BNIP3: variants seen among roughly 807,000 people sequenced by gnomAD.
The protein encoded by BNIP3 is BCL2/adenovirus E1B 19 kDa protein-interacting protein 3.
In BNIP3, 16 loss-of-function variants were observed where a neutral mutation model predicts 23.9. The observed-to-expected ratio is 0.67, with a 90% CI of 0.45 to 1.01. The LOEUF (loss-of-function observed/expected upper bound fraction) is 1.01, where lower values mean the gene tolerates loss of function less well. Ranked by LOEUF, BNIP3 falls within the 50% of genes least tolerant of loss-of-function variation. The pLI, the probability that BNIP3 is intolerant of heterozygous loss-of-function variation, is 0.00. For synonymous variants in BNIP3, 81 were observed against 89.3 expected (o/e 0.91, Z 0.53); for missense variants, 198 against 248.7 (o/e 0.80, Z 1.37).
rs1352733328 is a variant in BNIP3 at position 131,973,829 on chromosome 10, G to A, written c.161C>T (p.Ser54Phe). The A allele has an allele frequency of 1.2e-6, 2 of 1,612,538 alleles. No homozygotes were observed. Among genetic ancestry groups the A allele is most frequent in the Admixed American group, 3.3e-5 (2 of 60,026 alleles). ...EKILLDAQHE[S>F]GRSSSKSSHC... ...AGAGCTCTTGGAGCTACTCCGTCCA[G>A]ACTCATGCTGTGCGTCCAGCAGTAT... The change falls in exon 2 of 6, where the codon TCT (serine) becomes TTT (phenylalanine). Residue 54 changes from serine to phenylalanine, a missense_variant. Coordinates refer to ENST00000368636, the MANE Select transcript of BNIP3 (RefSeq NM_004052.4).
chr10:131,968,919 T>A (rs2036995594), intron 5 of BNIP3: 1 of 191,012 alleles, frequency 5.2e-6, no homozygotes, highest in Admixed American at 5.5e-5. Flanking sequence ...ACCACCAGCC[T>A]CACCAAAGCC....
rs1442165727 is a variant in BNIP3, at chr10:131,968,517, T to C, written c.*7A>G. 5 of 1,588,802 alleles carry C rather than the reference T, an allele frequency of 3.1e-6. No individual in the cohort carries two copies. The highest frequency in any genetic ancestry group is 4.3e-6 in the Non-Finnish European group (5 of 1,157,546). On this transcript the variant is annotated 3_prime_UTR_variant, in exon 6 of 6. Coordinates refer to ENST00000368636, the MANE Select transcript of BNIP3 (RefSeq NM_004052.4). The stretch of plus-strand genomic sequence containing the variant: ...ACTAACGAACCAAGTCAGACTCCAG[T>C]TCTTCATCAAAAGGTGCTGGTGGAG...
At chr10:131,977,544 G>A (rs2037089047) in intron 1 of BNIP3, among the ~76,000 whole-genome samples, 1 of 152,190 alleles carries the variant, frequency 6.6e-6, no homozygotes, top group South Asian at 2.1e-4. Flanking sequence ...CCAACATCTG[G>A]TGTCGGCTGA....
chr10:131,977,794 A>C (rs1239637558), intron 1 of BNIP3, among the ~76,000 whole-genome samples: 1 of 152,080 alleles, frequency 6.6e-6, no homozygotes, highest in South Asian at 2.1e-4. Flanking sequence ...AGGAAAAAAA[A>C]CTCACTCCAG....
At chr10:131,974,204 T>C (rs1392930105) in intron 1 of BNIP3, among the ~76,000 whole-genome samples, 1 of 152,224 alleles carries the variant, frequency 6.6e-6, no homozygotes, top group Non-Finnish European at 1.5e-5. Flanking sequence ...AGTCCCTTTA[T>C]ACCAAGCCAA....
At chr10:131,981,644 G>T in intron 1 of BNIP3, 117 bp downstream of exon 1, 2 of 1,239,030 alleles carry the variant, frequency 1.6e-6, no homozygotes, top group South Asian at 2.0e-5. Flanking sequence ...GCGCAGCCTC[G>T]CCCGGCCCGC....
chr10:131,974,516 T>A (rs536473478), intron 1 of BNIP3, among the ~76,000 whole-genome samples: 11 of 152,228 alleles, frequency 7.2e-5, no homozygotes, highest in Non-Finnish European at 1.0e-4. Context: ...ACCTCCGGAA[T>A]AACTGGAACT....
rs969776570 is a variant in BNIP3, at chr10:131,981,918, C to A, written c.-112G>T. The A allele has an allele frequency of 1.6e-6, 2 of 1,232,678 alleles. No individual in the cohort carries two copies. Among genetic ancestry groups the A allele is most frequent in the African/African-American group, 3.2e-5 (2 of 62,986 alleles). The allele number at this position is 1,232,678 out of a possible 1,614,324, so 76.4% of individuals were successfully genotyped here. A position where few individuals can be genotyped will look rare whatever the true frequency, so the allele number is the denominator to read the frequency against. ...GAGCGCCGCGGCCCAGCTGCGCTCC[C>A]GGACTGAGCGGAGCCCCGCAGCCCG... On this transcript the variant is annotated 5_prime_UTR_variant, in exon 1 of 6. Transcript: ENST00000368636.
chr10:131,974,437 G>A (rs898335917), intron 1 of BNIP3, among the ~76,000 whole-genome samples: 1 of 152,132 alleles, frequency 6.6e-6, no homozygotes, highest in African/African-American at 2.4e-5. Context: ...ACCCAGGCTG[G>A]GGTGCAGTGG....
rs187634019 is a variant in BNIP3, at chr10:131,973,647, G to A, written c.197+146C>T. The A allele has an allele frequency of 3.6e-5, 39 of 1,089,790 alleles. No homozygotes were observed. The African/African-American group carries it at 4.6e-4, about 13-fold the overall frequency. The allele number at this position is 1,089,790 out of a possible 1,614,324, so 67.5% of individuals were successfully genotyped here. On this transcript the variant is annotated intron_variant, in intron 2 of 5. Coordinates refer to ENST00000368636, the MANE Select transcript of BNIP3 (RefSeq NM_004052.4). ...GAGGGCGAGGCTCCTATATAAGGAC[G>A]GACTGCAGCAGGAGCCAGTCCAGAA...
rs2037058571 is a variant in BNIP3 at position 131,973,642 on chromosome 10, A to C, written c.197+151T>G. The stretch of plus-strand genomic sequence containing the variant: ...CCAAAGAGGGCGAGGCTCCTATATA[A>C]GGACGGACTGCAGCAGGAGCCAGTC... On this transcript the variant is annotated intron_variant, in intron 2 of 5. Transcript: ENST00000368636. 46 of 1,030,816 alleles carry C rather than the reference A, an allele frequency of 4.5e-5. 1 individual carries two copies. In the South Asian group the frequency reaches 7.2e-4, roughly 16 times the overall value. The allele number at this position is 1,030,816 out of a possible 1,614,324, so 63.9% of individuals were successfully genotyped here.
At chr10:131,974,631 C>T (rs566907720) in intron 1 of BNIP3, among the ~76,000 whole-genome samples, 1 of 152,372 alleles carries the variant, frequency 6.6e-6, no homozygotes, top group South Asian at 2.1e-4. Context: ...CCTCTCACCT[C>T]AGCTTCCCAG....
rs45555037 is a variant in BNIP3, at chr10:131,979,041, GCCTCCAGGACCTCTGGCCTCCTCT to G, written c.46+2696_46+2719del. On this transcript the variant is annotated intron_variant, in intron 1 of 5. Transcript: ENST00000368636. ...GCTCGTTTCCCTCCACCTTCCTGTT[GCCTCCAGGACCTCTGGCCTCCTCT>G]CCTCCAGGACCCTCCAGGGCCTATT... is the stretch of plus-strand genomic sequence containing the variant. 1.7e-3 allele frequency among the ~76,000 whole-genome samples: 266 copies of G among 152,282 alleles called. 2 individuals are homozygous for G. The highest frequency in any genetic ancestry group is 5.9e-3 in the African/African-American group (246 of 41,556).
intron 5 of BNIP3, chr10:131,969,045 C>T (rs7079909): frequency 0.14 from 22,570 of 158,004 alleles, 1,697 homozygotes; most frequent in Middle Eastern, 0.16. Context: ...TAGAGAGGCT[C>T]GCTCCAGCTG....
rs751428347 is a variant in BNIP3, at chr10:131,973,065, G to A, written c.251C>T (p.Thr84Ile). ...GCTGTTTTTCTCTCCAATGCTATGG[G>A]TATCTGTTTCAGAAGCTCTGTTGGT... ...QDTNRASETD[T>I]HSIGEKNSSQ... is the part of the protein sequence containing the mutation. The change falls in exon 3 of 6, where the codon ACC (threonine) becomes ATC (isoleucine). Residue 84 changes from threonine to isoleucine, a missense_variant. Transcript: ENST00000368636. 10 of 1,613,802 alleles carry A rather than the reference G, an allele frequency of 6.2e-6. No homozygotes were observed. In the East Asian group the frequency reaches 2.2e-4, roughly 36 times the overall value.
rs376135105 is a variant in BNIP3 at position 131,970,842 on chromosome 10, G to A, written c.389+22C>T. ...GTGTCCTCTGTCAAGGGGTGCCCCC[G>A]TGACACTGAGAACACACTCACTTGG... On this transcript the variant is annotated intron_variant, in intron 4 of 5. Coordinates refer to ENST00000368636, the MANE Select transcript of BNIP3 (RefSeq NM_004052.4). The surrounding 1 kb of genome is among the most constrained non-coding windows in gnomAD (Gnocchi z 4.1). 38 of 1,614,036 alleles carry A rather than the reference G, an allele frequency of 2.4e-5. No individual in the cohort carries two copies. Among genetic ancestry groups the A allele is most frequent in the Admixed American group, 2.0e-4 (12 of 60,032 alleles).
At chr10:131,980,793 G>A (rs2037113327) in intron 1 of BNIP3, 1 of 152,148 alleles carries the variant, frequency 6.6e-6, no homozygotes, top group East Asian at 1.9e-4. Flanking sequence ...CCTTTCCCAA[G>A]CTTATTTACA....
At chr10:131,973,197 G>A in intron 2 of BNIP3, 79 bp from the exon 3 acceptor site, 1 of 1,444,772 alleles carries the variant, frequency 6.9e-7, no homozygotes, top group South Asian at 1.1e-5. Flanking sequence ...CCCAAAGGCA[G>A]TGAACCGCCT....
intron 1 of BNIP3, among the ~76,000 whole-genome samples, chr10:131,978,949 G>A (rs374541833): frequency 1.2e-4 from 18 of 152,248 alleles, no homozygotes; most frequent in African/African-American, 3.6e-4. Flanking sequence ...AAAGAGACCC[G>A]CCTGACAAAA....
Sources: gnomAD v4.1 joint callset for allele counts (sites outside exome capture counted in the v4.1 genomes callset) on GRCh38, gnomAD v4.1.1 for gene constraint, Gnocchi (gnomAD v3.1) non-coding constraint, MANE v1.5 for transcripts, NCBI Gene and HGNC (gene_info 2026-07-23, HGNC 2026-07-21) for gene names.